The following PKIB variants were observed in gnomAD, a reference collection of about 807,000 sequenced individuals.
PKIB encodes the protein cAMP-dependent protein kinase inhibitor beta, also known as PKI-beta.
PKIB carries 2 observed loss-of-function variants against 4.5 expected under a neutral mutation model. That is an observed-to-expected ratio of 0.44 (90% CI 0.18 to 1.39). The LOEUF is 1.39. PKIB is among the 40% of genes most tolerant of loss of function. PKIB has a pLI of 0.27. For synonymous variants in PKIB, 38 were observed against 36.0 expected (o/e 1.06, Z -0.20); for missense variants, 94 against 92.6 (o/e 1.02, Z -0.06).
chr6:122,540,252 A>C (rs1777551097), intron 2 of PKIB, among the ~76,000 whole-genome samples: 1 of 151,648 alleles, frequency 6.6e-6, no homozygotes, highest in African/African-American at 2.4e-5. Context: ...TTGCTTTTCT[A>C]GTTCTTTTAA....
At chr6:122,648,584 G>A (rs1362522383) in intron 2 of PKIB, among the ~76,000 whole-genome samples, 1 of 152,162 alleles carries the variant, frequency 6.6e-6, no homozygotes, top group Non-Finnish European at 1.5e-5. Flanking sequence ...TGTGAAGTAA[G>A]CTCCTTGATC....
At chr6:122,562,270 G>A (rs555512134) in intron 2 of PKIB, among the ~76,000 whole-genome samples, 5 of 152,154 alleles carry the variant, frequency 3.3e-5, no homozygotes, top group African/African-American at 9.6e-5. Flanking sequence ...GTTTGAGGAG[G>A]CTGAAGATAG....
intron 2 of PKIB, among the ~76,000 whole-genome samples, chr6:122,579,369 A>G (rs575509438): frequency 3.9e-4 from 59 of 152,172 alleles, no homozygotes; most frequent in Admixed American, 5.9e-4. Context: ...ACCTATCTTC[A>G]TCCCTCTGTA....
At chr6:122,585,449 G>A (rs1582714918) in intron 2 of PKIB, 2 of 152,052 alleles carry the variant, frequency 1.3e-5, no homozygotes, top group Non-Finnish European at 2.9e-5. Flanking sequence ...AAGCTAAAAG[G>A]GGCCAGAGAT....
At chr6:122,711,984 A>G (rs1258105229) in intron 3 of PKIB, among the ~76,000 whole-genome samples, 4 of 152,180 alleles carry the variant, frequency 2.6e-5, no homozygotes, top group African/African-American at 4.8e-5. Flanking sequence ...GACTTACACT[A>G]GAGACAGAGA....
At chr6:122,658,030 A>G (rs1052306102) in intron 2 of PKIB, among the ~76,000 whole-genome samples, 1 of 152,210 alleles carries the variant, frequency 6.6e-6, no homozygotes, top group Non-Finnish European at 1.5e-5. Flanking sequence ...ATACACTAAA[A>G]TTAAATTTAC....
At chr6:122,643,668 T>G (rs1776201507) in intron 2 of PKIB, 1 of 152,240 alleles carries the variant, frequency 6.6e-6, no homozygotes, top group Non-Finnish European at 1.5e-5. Context: ...AATGTCAAAC[T>G]ATTATCCTAC....
At chr6:122,661,145 C>T (rs1582786836) in intron 2 of PKIB, among the ~76,000 whole-genome samples, 1 of 152,120 alleles carries the variant, frequency 6.6e-6, no homozygotes, top group East Asian at 1.9e-4. Context: ...GTAATCCTCC[C>T]TCAGAGATTC....
intron 2 of PKIB, among the ~76,000 whole-genome samples, chr6:122,577,403 A>G (rs1024447201): frequency 2.0e-5 from 3 of 152,196 alleles, no homozygotes; most frequent in African/African-American, 4.8e-5. Context: ...TTAGAAGTTT[A>G]TAGTAATTCA....
intron 2 of PKIB, among the ~76,000 whole-genome samples, chr6:122,508,730 A>C (rs377269768): frequency 6.6e-6 from 1 of 152,108 alleles, no homozygotes; most frequent in East Asian, 1.9e-4. Context: ...GTTGAATTTG[A>C]AACAATATTA....
chr6:122,642,229 C>T (rs1298138573), intron 2 of PKIB, among the ~76,000 whole-genome samples: 2 of 152,132 alleles, frequency 1.3e-5, no homozygotes, highest in Non-Finnish European at 2.9e-5. Flanking sequence ...CTTAAATAAA[C>T]TCTTAAATTT....
chr6:122,576,615 GC>G (rs897271403), intron 2 of PKIB, among the ~76,000 whole-genome samples: 1 of 126,512 alleles, frequency 7.9e-6, no homozygotes, highest in African/African-American at 3.0e-5. Flanking sequence ...TTGCAGTGAA[GC>G]CCAGATGGCG....
chr6:122,472,831 G>T (rs570988364), intron 1 of PKIB, among the ~76,000 whole-genome samples: 8 of 152,236 alleles, frequency 5.3e-5, no homozygotes, highest in African/African-American at 1.9e-4. Context: ...CATCCATAAG[G>T]TTTAAAGAAT....
At chr6:122,671,642 A>G (rs1462823198) in intron 2 of PKIB, among the ~76,000 whole-genome samples, 1 of 152,228 alleles carries the variant, frequency 6.6e-6, no homozygotes, top group Non-Finnish European at 1.5e-5. Context: ...GGTGAGATAC[A>G]TGAGGCTGAC....
intron 2 of PKIB, among the ~76,000 whole-genome samples, chr6:122,638,250 G>A (rs1232527083): frequency 6.6e-6 from 1 of 152,108 alleles, no homozygotes; most frequent in Non-Finnish European, 1.5e-5. Context: ...TTTTTTTAAA[G>A]TTTTAATTTA....
At chr6:122,621,532 G>A (rs1019684109) in intron 1 of PKIB, among the ~76,000 whole-genome samples, 3 of 152,316 alleles carry the variant, frequency 2.0e-5, no homozygotes, top group East Asian at 3.9e-4. Flanking sequence ...TGGTTTCTCT[G>A]TAGAGGTGAT....
chr6:122,487,329 C>T (rs941192202), intron 2 of PKIB, among the ~76,000 whole-genome samples: 7 of 151,978 alleles, frequency 4.6e-5, no homozygotes, highest in East Asian at 3.9e-4. Flanking sequence ...TTGTATCATA[C>T]CTCTTATGTT....
chr6:122,692,861 A>C (rs573787813), intron 3 of PKIB, among the ~76,000 whole-genome samples: 2 of 152,378 alleles, frequency 1.3e-5, no homozygotes, highest in South Asian at 4.1e-4. Flanking sequence ...ATTATGTTTC[A>C]GACTACATAA....
At chr6:122,515,142 T>G (rs1031723726) in intron 2 of PKIB, among the ~76,000 whole-genome samples, 3 of 152,216 alleles carry the variant, frequency 2.0e-5, no homozygotes, top group African/African-American at 7.2e-5. Context: ...CATAAAATAT[T>G]CAACCCTATT....
Sources: allele counts gnomAD v4.1 joint callset (sites outside exome capture counted in the v4.1 genomes callset), GRCh38; gene constraint gnomAD v4.1.1; transcripts MANE v1.5; gene names NCBI Gene and HGNC (gene_info 2026-07-23, HGNC 2026-07-21).